MACROD2: variants seen among roughly 807,000 people sequenced by gnomAD.
MACROD2 encodes ADP-ribose glycohydrolase MACROD2.
Under a neutral mutation model 70.4 loss-of-function variants are expected in MACROD2, and 36 were observed. The ratio of observed to expected loss-of-function variants is 0.51; its 90% CI spans 0.39 to 0.68. The LOEUF is 0.68. Ranked by LOEUF, MACROD2 falls within the 30% of genes least tolerant of loss-of-function variation. MACROD2 has a pLI of 0.00. For missense variants in MACROD2, 496 were observed against 538.4 expected (o/e 0.92, Z 0.78); for synonymous variants, 172 against 178.8 (o/e 0.96, Z 0.30).
At chr20:15,183,535 G>A (rs1282535512) in intron 5 of MACROD2, among the ~76,000 whole-genome samples, 1 of 151,676 alleles carries the variant, frequency 6.6e-6, no homozygotes, top group Non-Finnish European at 1.5e-5. Context: ...TTACTATATT[G>A]CACTCGGATA....
chr20:14,396,525 G>A (rs1393647842), intron 3 of MACROD2, among the ~76,000 whole-genome samples: 2 of 152,046 alleles, frequency 1.3e-5, no homozygotes, highest in Non-Finnish European at 2.9e-5. Flanking sequence ...CGATTTTCTT[G>A]TATTAGTGTT....
intron 8 of MACROD2, among the ~76,000 whole-genome samples, chr20:15,713,045 G>C (rs916205239): frequency 2.0e-5 from 3 of 152,066 alleles, no homozygotes; most frequent in African/African-American, 4.8e-5. Flanking sequence ...GCACTCCTCT[G>C]TCACATTTTT....
intron 8 of MACROD2, among the ~76,000 whole-genome samples, chr20:15,582,890 A>G (rs943843977): frequency 6.6e-6 from 1 of 152,194 alleles, no homozygotes; most frequent in Non-Finnish European, 1.5e-5. Context: ...GGGTTGAGAG[A>G]TATTCCTTAC....
At chr20:15,194,489 G>T (rs994366994) in intron 5 of MACROD2, among the ~76,000 whole-genome samples, 2 of 151,844 alleles carry the variant, frequency 1.3e-5, no homozygotes, top group Non-Finnish European at 2.9e-5. Context: ...TAAAAATAAC[G>T]CAAACAATTC....
chr20:15,811,187 A>G (rs1210456720), intron 8 of MACROD2, among the ~76,000 whole-genome samples: 2 of 152,102 alleles, frequency 1.3e-5, no homozygotes, highest in African/African-American at 4.8e-5. Flanking sequence ...CAACCTACTC[A>G]TCTGACAAAG....
intron 3 of MACROD2, among the ~76,000 whole-genome samples, chr20:14,427,056 A>G (rs1455933282): frequency 6.6e-6 from 1 of 152,152 alleles, no homozygotes; most frequent in Non-Finnish European, 1.5e-5. Context: ...TTTAGAATTT[A>G]GCAGTATAAA....
At chr20:15,768,545 A>G (rs369639771) in intron 8 of MACROD2, among the ~76,000 whole-genome samples, 1 of 152,190 alleles carries the variant, frequency 6.6e-6, no homozygotes, top group African/African-American at 2.4e-5. Flanking sequence ...GAAGTCCTCA[A>G]ACATTACCGC....
chr20:14,190,501 A>T (rs925581212), intron 3 of MACROD2, among the ~76,000 whole-genome samples: 1 of 150,430 alleles, frequency 6.6e-6, no homozygotes, highest in Non-Finnish European at 1.5e-5. Context: ...TTCACTCCTC[A>T]TTTTCTCTTC....
Position 15,107,965 on chromosome 20 carries a change from G to T in MACROD2, c.419-121975G>T, listed in dbSNP as rs533753728. On this transcript the variant is annotated intron_variant, in intron 5 of 17. Coordinates refer to ENST00000684519, the MANE Select transcript of MACROD2 (RefSeq NM_001351661.2). The stretch of plus-strand genomic sequence containing the variant: ...GTGAGTTAAGTCAGCAAGTCCTATG[G>T]ACTCTTGAGAGCAAGCTCTTTTTTT... Among the ~76,000 whole-genome samples the T allele has an allele frequency of 3.3e-5, 5 of 151,048 alleles. No homozygotes were observed. The East Asian group carries it at 9.7e-4, about 29-fold the overall frequency.
Position 15,322,764 on chromosome 20 carries a change from A to G in MACROD2, c.540+92703A>G, listed in dbSNP as rs752436579. Among the ~76,000 whole-genome samples, 13 of 144,430 alleles carry G rather than the reference A, an allele frequency of 9.0e-5. 1 individual carries two copies. The highest frequency in any genetic ancestry group is 2.0e-4 in the African/African-American group (8 of 40,384). The allele number at this position is 144,430 out of a possible 152,430, so 94.8% of individuals were successfully genotyped here. ...TGGTTTCACAGTTGTATGAGACTTCAGGGATCTTCCTTTTTCCTCTTTTGT... is the reference window on the plus strand; with the variant it reads ...TGGTTTCACAGTTGTATGAGACTTCGGGGATCTTCCTTTTTCCTCTTTTGT... On this transcript the variant is annotated intron_variant, in intron 6 of 17. Transcript: ENST00000684519.
At chr20:15,991,734 A>T (rs1420710231) in intron 15 of MACROD2, among the ~76,000 whole-genome samples, 1 of 152,172 alleles carries the variant, frequency 6.6e-6, no homozygotes, top group Non-Finnish European at 1.5e-5. Context: ...CAGCACAATC[A>T]TTTAGTTTTC....
chr20:14,395,892 C>A (rs2083575131), intron 3 of MACROD2, among the ~76,000 whole-genome samples: 1 of 152,116 alleles, frequency 6.6e-6, no homozygotes, highest in Non-Finnish European at 1.5e-5. Context: ...TGAGGATTTT[C>A]CAAGCATCTT....
At chr20:14,356,585 A>G (rs1032910286) in intron 3 of MACROD2, among the ~76,000 whole-genome samples, 6 of 145,626 alleles carry the variant, frequency 4.1e-5, no homozygotes, top group Non-Finnish European at 7.4e-5. Context: ...GCTCACTGCA[A>G]CCTCCGCCTC....
At chr20:15,778,417 A>G (rs1014637950) in intron 8 of MACROD2, among the ~76,000 whole-genome samples, 14 of 152,186 alleles carry the variant, frequency 9.2e-5, no homozygotes, top group African/African-American at 3.4e-4. Context: ...ACTCTTTAAA[A>G]TTTTTTAAAT....
intron 8 of MACROD2, among the ~76,000 whole-genome samples, chr20:15,616,845 G>A (rs1487146987): frequency 6.6e-6 from 1 of 152,164 alleles, no homozygotes; most frequent in African/African-American, 2.4e-5. Context: ...TCAGGTTTAT[G>A]GAGCTTCTCA....
At chr20:15,754,286 G>A (rs1003896238) in intron 8 of MACROD2, among the ~76,000 whole-genome samples, 1 of 152,004 alleles carries the variant, frequency 6.6e-6, no homozygotes, top group African/African-American at 2.4e-5. Flanking sequence ...GTTTCTTTAG[G>A]AAAAAAATAA....
intron 3 of MACROD2, among the ~76,000 whole-genome samples, chr20:14,266,884 T>C (rs2082148974): frequency 6.6e-6 from 1 of 152,170 alleles, no homozygotes; most frequent in South Asian, 2.1e-4. Context: ...CCTGTTGGAA[T>C]TGAAATGGTG....
rs34495725 is a variant in MACROD2 at position 15,610,991 on chromosome 20, C to CTTTTTTTTTTTTT, written c.645+111157_645+111169dup. ...CTTTTTATGTCTTTTAGCCAAAAAT[C>CTTTTTTTTTTTTT]TTTTTTTTTTTTTTTTTTTTTTTTT... is the stretch of plus-strand genomic sequence containing the variant. On this transcript the variant is annotated intron_variant, in intron 8 of 17. Coordinates refer to ENST00000684519, the MANE Select transcript of MACROD2 (RefSeq NM_001351661.2). Among the ~76,000 whole-genome samples, 17 of 60,088 alleles carry CTTTTTTTTTTTTT rather than the reference C, an allele frequency of 2.8e-4. 3 individuals carry two copies. Among genetic ancestry groups the CTTTTTTTTTTTTT allele is most frequent in the African/African-American group, 8.7e-4 (14 of 16,008 alleles). 39.4% of individuals were successfully genotyped at this position (60,088 alleles called of 152,430 possible). A position where few individuals can be genotyped will look rare whatever the true frequency, so the allele number is the denominator to read the frequency against.
At chr20:15,271,498 A>G (rs966283508) in intron 6 of MACROD2, among the ~76,000 whole-genome samples, 5 of 152,212 alleles carry the variant, frequency 3.3e-5, no homozygotes, top group African/African-American at 7.2e-5. Context: ...AGCCATGTCT[A>G]TCTTATTTAC....
Sources: allele counts gnomAD v4.1 joint callset (sites outside exome capture counted in the v4.1 genomes callset), GRCh38; gene constraint gnomAD v4.1.1; transcripts MANE v1.5; gene names NCBI Gene and HGNC (gene_info 2026-07-23, HGNC 2026-07-21).